The following TRAM2 variants were observed in gnomAD, a reference collection of about 807,000 sequenced individuals.
TRAM2 encodes translocating chain-associated membrane protein 2.
TRAM2 carries 12 observed loss-of-function variants against 51.0 expected under a neutral mutation model. The ratio of observed to expected loss-of-function variants is 0.24; its 90% confidence interval spans 0.15 to 0.38. The LOEUF is 0.38. Among genes scored for constraint, TRAM2 ranks in the 10% least tolerant of loss-of-function variants. TRAM2 has a pLI of 1.00. For missense variants in TRAM2, 361 were observed against 462.0 expected (o/e 0.78, Z 2.00); for synonymous variants, 175 against 179.4 (o/e 0.98, Z 0.20).
chr6:52,509,996 C>G (rs1052286241), intron 4 of TRAM2, among the ~76,000 whole-genome samples: 3 of 152,190 alleles, frequency 2.0e-5, no homozygotes, highest in Admixed American at 2.0e-4. Context: ...AGTCCTGTGC[C>G]TGGCATGCAG....
chr6:52,554,820 G>A (rs964789579), intron 1 of TRAM2, among the ~76,000 whole-genome samples: 8 of 147,796 alleles, frequency 5.4e-5, no homozygotes, highest in Non-Finnish European at 1.2e-4. Flanking sequence ...AGGCTGGAGT[G>A]CAGTGGGGTG....
intron 2 of TRAM2, among the ~76,000 whole-genome samples, chr6:52,525,472 C>A (rs1265830985): frequency 6.6e-6 from 1 of 151,912 alleles, no homozygotes; most frequent in African/African-American, 2.4e-5. Context: ...AGCACAGATA[C>A]ACACACACAC....
intron 2 of TRAM2, among the ~76,000 whole-genome samples, chr6:52,531,676 G>T (rs1004242899): frequency 1.3e-5 from 2 of 152,180 alleles, no homozygotes; most frequent in Non-Finnish European, 2.9e-5. Context: ...CATGTGCCCG[G>T]AGTGCTTTCT....
chr6:52,560,996 C>T (rs570679584), intron 1 of TRAM2, among the ~76,000 whole-genome samples: 1 of 152,310 alleles, frequency 6.6e-6, no homozygotes, highest in South Asian at 2.1e-4. Flanking sequence ...AAACGTCCAT[C>T]AACTGATGAA....
At chr6:52,575,020 G>C (rs953287445) in intron 1 of TRAM2, among the ~76,000 whole-genome samples, 1 of 152,198 alleles carries the variant, frequency 6.6e-6, no homozygotes, top group Non-Finnish European at 1.5e-5. Context: ...GCACTTGGAG[G>C]CCTCTTAGAA....
chr6:52,516,926 A>G, intron 2 of TRAM2, 189 bp from the exon 3 acceptor site: 5 of 598,594 alleles, frequency 8.4e-6, no homozygotes, highest in South Asian at 3.9e-5. Context: ...GGAAGCACCA[A>G]TGGAGATGGC....
intron 7 of TRAM2, 63 bp from the exon 8 acceptor site, chr6:52,506,199 G>T (rs1389270825): frequency 6.7e-7 from 1 of 1,487,798 alleles, no homozygotes; most frequent in Non-Finnish European, 9.3e-7. Flanking sequence ...AGAAGCCATT[G>T]CATCTTGGCT....
At chr6:52,527,310 G>A (rs1349039383) in intron 2 of TRAM2, among the ~76,000 whole-genome samples, 1 of 151,458 alleles carries the variant, frequency 6.6e-6, no homozygotes, top group Non-Finnish European at 1.5e-5. Flanking sequence ...CCCAGGAGGT[G>A]GAGGATGCAG....
chr6:52,509,686 C>G (rs1221306701), intron 4 of TRAM2, 100 bp from the exon 5 acceptor site: 31 of 992,802 alleles, frequency 3.1e-5, no homozygotes, highest in Non-Finnish European at 4.8e-5. Context: ...CAGTCCCCAC[C>G]TGACAGAAAG....
chr6:52,513,059 A>G (rs1007268844), intron 4 of TRAM2, among the ~76,000 whole-genome samples: 1 of 152,196 alleles, frequency 6.6e-6, no homozygotes, highest in Admixed American at 6.5e-5. Context: ...TTTTTCCCTC[A>G]ACAATGAGTA....
chr6:52,540,211 G>A (rs190308484), intron 1 of TRAM2, among the ~76,000 whole-genome samples: 9 of 151,198 alleles, frequency 6.0e-5, no homozygotes, highest in Admixed American at 2.0e-4. Flanking sequence ...GTAGCCTCCC[G>A]AGACCTCACA....
chr6:52,533,664 A>G (rs994295465), intron 2 of TRAM2, among the ~76,000 whole-genome samples: 5 of 152,230 alleles, frequency 3.3e-5, no homozygotes, highest in African/African-American at 4.8e-5. Flanking sequence ...TGGGCCCAGG[A>G]AAGATTCATG....
At position 52,503,236 on chromosome 6, in the gene TRAM2, G is replaced by A. The variant is rs116741997; in HGVS notation, c.1074C>T (p.Asn358=). The A allele has an allele frequency of 2.8e-3, 4,491 of 1,613,956 alleles. 7 individuals carry two copies. The highest frequency in any genetic ancestry group is 3.5e-3 in the Non-Finnish European group (4,114 of 1,179,922). ...GTTTCTTAGTCCGTGGGGAGGTTCC[G>A]TTCTCTGCCTTCACCACTCCATTTT... ...YHENGVVKAE[N]GTSPRTKKLK... is the part of the protein sequence containing the mutation. The change falls in exon 11 of 11, where the codon AAC becomes AAT. Residue 358 remains asparagine (N), a synonymous_variant. Coordinates refer to ENST00000182527, the MANE Select transcript of TRAM2 (RefSeq NM_012288.4).
At chr6:52,526,866 T>C (rs927446263) in intron 2 of TRAM2, among the ~76,000 whole-genome samples, 1 of 152,194 alleles carries the variant, frequency 6.6e-6, no homozygotes, top group African/African-American at 2.4e-5. Flanking sequence ...ATGCATTCCA[T>C]AGGCTGCCTC....
In TRAM2 at chr6:52,500,452, A is replaced by AC. The variant is rs1219925121; in HGVS notation, c.*2744dup. 3.3e-5 allele frequency: 5 copies of AC among 150,662 alleles called. No homozygotes were observed. The highest frequency in any genetic ancestry group is 1.2e-4 in the African/African-American group (5 of 40,672). 9.3% of individuals were successfully genotyped at this position (150,662 alleles called of 1,614,324 possible). A position where few individuals can be genotyped will look rare whatever the true frequency, so the allele number is the denominator to read the frequency against. On this transcript the variant is annotated 3_prime_UTR_variant, in exon 11 of 11. Coordinates refer to ENST00000182527, the MANE Select transcript of TRAM2 (RefSeq NM_012288.4). ...CAAAGTACCCTACAACTACCCTCTAACCACCCCCCCCAAACATCCCTGAAG... is the reference window on the plus strand; with the variant it reads ...CAAAGTACCCTACAACTACCCTCTAACCCACCCCCCCCAAACATCCCTGAAG...
rs73429508 is a variant in TRAM2 at position 52,550,044 on chromosome 6, T to C, written c.121-14198A>G. Among the ~76,000 whole-genome samples, 1,105 of 152,268 alleles carry C rather than the reference T, an allele frequency of 7.3e-3. 13 individuals carry two copies. The highest frequency in any genetic ancestry group is 0.025 in the African/African-American group (1,025 of 41,544). Reference sequence around the variant, plus strand: ...CTGTAAGTTCTACTGGGCTGCACAATGCTCCATCCTACCCTGTGTCCCAGA... The same window carrying C: ...CTGTAAGTTCTACTGGGCTGCACAACGCTCCATCCTACCCTGTGTCCCAGA... On this transcript the variant is annotated intron_variant, in intron 1 of 10. Transcript: ENST00000182527.
rs1562484280 is a variant in TRAM2, at chr6:52,542,261, GGT to G, written c.121-6417_121-6416del. Among the ~76,000 whole-genome samples the G allele has an allele frequency of 2.6e-3, 235 of 89,568 alleles. 2 individuals are homozygous for G. The highest frequency in any genetic ancestry group is 8.0e-3 in the Admixed American group (56 of 7,010). 58.8% of individuals were successfully genotyped at this position (89,568 alleles called of 152,430 possible). The stretch of plus-strand genomic sequence containing the variant: ...CCAATTGGTGGGGAAGAGATTTTTG[GGT>G]TTTTTTTTTTTTTAAAAAAAATAGT... On this transcript the variant is annotated intron_variant, in intron 1 of 10. Coordinates refer to ENST00000182527, the MANE Select transcript of TRAM2 (RefSeq NM_012288.4).
chr6:52,576,633 G>C (rs1246398375), intron 1 of TRAM2, among the ~76,000 whole-genome samples, 163 bp downstream of exon 1: 1 of 152,186 alleles, frequency 6.6e-6, no homozygotes, highest in Admixed American at 6.5e-5. Context: ...GCTGGCCGGG[G>C]TACAGGCCGG....
At chr6:52,558,565 A>G (rs1767448845) in intron 1 of TRAM2, among the ~76,000 whole-genome samples, 1 of 152,214 alleles carries the variant, frequency 6.6e-6, no homozygotes, top group South Asian at 2.1e-4. Flanking sequence ...TATTTTACAT[A>G]ATTTTTAAGA....
Sources: allele counts gnomAD v4.1 joint callset (sites outside exome capture counted in the v4.1 genomes callset), GRCh38; gene constraint gnomAD v4.1.1; transcripts MANE v1.5; gene names NCBI Gene and HGNC (gene_info 2026-07-23, HGNC 2026-07-21).